The following CCDC15 variants were observed in gnomAD, a reference collection of about 807,000 sequenced individuals.
CCDC15 encodes coiled-coil domain-containing protein 15.
In CCDC15, 105 loss-of-function variants were observed where a neutral mutation model predicts 114.5. The observed-to-expected ratio is 0.92, with a 90% CI of 0.78 to 1.08. The LOEUF is 1.08. Among genes scored for constraint, CCDC15 ranks in the 50% least tolerant of loss-of-function variants. CCDC15 has a pLI of 0.00. For synonymous variants in CCDC15, 334 were observed against 377.8 expected (o/e 0.88, Z 1.34); for missense variants, 1,105 against 1,093.6 (o/e 1.01, Z -0.15).
At chr11:124,956,165 AG>A (rs1351514650) in intron 2 of CCDC15, among the ~76,000 whole-genome samples, 1 of 152,222 alleles carries the variant, frequency 6.6e-6, no homozygotes, top group Non-Finnish European at 1.5e-5. Context: ...TAATATTTAC[AG>A]GTGAATGTCA....
chr11:124,990,033 G>T (rs1221855409), intron 8 of CCDC15, among the ~76,000 whole-genome samples: 4 of 152,216 alleles, frequency 2.6e-5, no homozygotes, highest in African/African-American at 9.6e-5. Context: ...CCTTCGGACT[G>T]TCTTGGCTTT....
At chr11:124,991,930 C>T (rs988636500) in intron 9 of CCDC15, among the ~76,000 whole-genome samples, 6 of 152,130 alleles carry the variant, frequency 3.9e-5, no homozygotes, top group Non-Finnish European at 7.4e-5. Flanking sequence ...GTGATCTGCC[C>T]GCCTCTTCCT....
chr11:125,024,227 G>T (rs555280488), intron 13 of CCDC15, among the ~76,000 whole-genome samples: 19 of 152,044 alleles, frequency 1.2e-4, no homozygotes, highest in African/African-American at 4.6e-4. Context: ...GATTAGTCCA[G>T]TTCTATAGTA....
intron 13 of CCDC15, among the ~76,000 whole-genome samples, chr11:125,013,574 A>G (rs967205206): frequency 2.0e-5 from 3 of 152,162 alleles, no homozygotes; most frequent in African/African-American, 7.2e-5. Flanking sequence ...GAATCCATAG[A>G]TTTTGATGAC....
chr11:125,020,065 G>A (rs1948652114), intron 13 of CCDC15, among the ~76,000 whole-genome samples: 1 of 151,814 alleles, frequency 6.6e-6, no homozygotes, highest in Non-Finnish European at 1.5e-5. Flanking sequence ...AAGTCACAAG[G>A]AAGAATACTG....
intron 13 of CCDC15, among the ~76,000 whole-genome samples, chr11:125,033,979 A>G (rs1033263170): frequency 2.0e-5 from 3 of 152,136 alleles, no homozygotes; most frequent in Non-Finnish European, 4.4e-5. Flanking sequence ...CACACTCTGA[A>G]CCTCACTTCT....
intron 4 of CCDC15, among the ~76,000 whole-genome samples, chr11:124,970,992 A>G (rs1245591246): frequency 6.6e-6 from 1 of 152,128 alleles, no homozygotes; most frequent in Non-Finnish European, 1.5e-5. Context: ...ACATTGCATC[A>G]AGGCCTATTT....
At chr11:124,973,890 T>C (rs1947928031) in intron 4 of CCDC15, among the ~76,000 whole-genome samples, 1 of 152,242 alleles carries the variant, frequency 6.6e-6, no homozygotes, top group Non-Finnish European at 1.5e-5. Flanking sequence ...AGTAGCGATC[T>C]TGGCTTTGCC....
intron 13 of CCDC15, among the ~76,000 whole-genome samples, chr11:125,019,422 A>G (rs1467835447): frequency 6.6e-6 from 1 of 151,986 alleles, no homozygotes; most frequent in Non-Finnish European, 1.5e-5. Context: ...ATTTCATTTT[A>G]CAGATGAGAA....
At chr11:124,968,504 T>C (rs754986394) in intron 4 of CCDC15, among the ~76,000 whole-genome samples, 34 of 152,174 alleles carry the variant, frequency 2.2e-4, no homozygotes, top group Non-Finnish European at 4.6e-4. Context: ...TTGCTAAGAC[T>C]GTTGGAAAAG....
intron 6 of CCDC15, among the ~76,000 whole-genome samples, chr11:124,986,413 G>A (rs1476388746): frequency 6.6e-6 from 1 of 152,186 alleles, no homozygotes; most frequent in South Asian, 2.1e-4. Context: ...TTGATAGGGA[G>A]TGTTGTAAAT....
chr11:124,968,859 A>G (rs906669803), intron 4 of CCDC15, among the ~76,000 whole-genome samples: 5 of 152,082 alleles, frequency 3.3e-5, no homozygotes, highest in Admixed American at 6.5e-5. Context: ...CACCTCCACT[A>G]TTGGACAACT....
intron 13 of CCDC15, among the ~76,000 whole-genome samples, chr11:125,007,717 C>T (rs971215209): frequency 2.6e-5 from 4 of 152,082 alleles, no homozygotes; most frequent in African/African-American, 9.7e-5. Context: ...TAAGAGTTCC[C>T]TTTTCTCTAC....
chr11:125,018,735 T>C (rs1175367619), intron 13 of CCDC15, among the ~76,000 whole-genome samples: 1 of 152,026 alleles, frequency 6.6e-6, no homozygotes, highest in Non-Finnish European at 1.5e-5. Flanking sequence ...ATGTACTCAG[T>C]AAAGATTAGC....
intron 14 of CCDC15, 25 bp from the exon 15 acceptor site, chr11:125,038,896 G>A (rs1212360365): frequency 1.9e-6 from 3 of 1,593,724 alleles, no homozygotes; most frequent in Non-Finnish European, 2.6e-6. Context: ...AGTTCACTTT[G>A]CCTGATTATA....
At chr11:124,985,737 A>G (rs914220510) in intron 6 of CCDC15, among the ~76,000 whole-genome samples, 2 of 150,660 alleles carry the variant, frequency 1.3e-5, no homozygotes, top group Non-Finnish European at 3.0e-5. Flanking sequence ...CATAAAATGT[A>G]TATATATAAT....
intron 11 of CCDC15, among the ~76,000 whole-genome samples, chr11:124,995,093 C>T (rs984648516): frequency 9.2e-5 from 14 of 152,268 alleles, no homozygotes; most frequent in Admixed American, 9.2e-4. Flanking sequence ...TTTTAGTCTA[C>T]ATTGTCATTT....
intron 13 of CCDC15, among the ~76,000 whole-genome samples, chr11:125,032,761 C>T (rs959964626): frequency 1.3e-5 from 2 of 152,166 alleles, no homozygotes; most frequent in Admixed American, 1.3e-4. Flanking sequence ...CATTCTGGCA[C>T]TGGGGAAATG....
intron 9 of CCDC15, 80 bp downstream of exon 9, chr11:124,991,663 G>A: frequency 7.7e-7 from 1 of 1,304,598 alleles, no homozygotes. Flanking sequence ...TTTAGAATGA[G>A]GGATTTTGGA....
Sources: allele counts gnomAD v4.1 joint callset (sites outside exome capture counted in the v4.1 genomes callset), GRCh38; gene constraint gnomAD v4.1.1; transcripts MANE v1.5; gene names NCBI Gene and HGNC (gene_info 2026-07-23, HGNC 2026-07-21).